The following GRIK3 variants were observed in gnomAD, a reference collection of about 807,000 sequenced individuals.
GRIK3 encodes the protein glutamate ionotropic receptor kainate type subunit 3.
GRIK3 carries 29 observed loss-of-function variants against 102.5 expected under a neutral mutation model. That is an observed-to-expected ratio of 0.28 (90% CI 0.21 to 0.39). The LOEUF (loss-of-function observed/expected upper bound fraction) is 0.39. GRIK3 is among the 10% of genes least tolerant of loss of function. GRIK3 has a pLI of 1.00. For synonymous variants in GRIK3, 511 were observed against 504.9 expected (o/e 1.01, Z -0.16); for missense variants, 908 against 1,252.4 (o/e 0.73, Z 4.15).
chr1:36,958,369 C>T (rs1418437380), intron 1 of GRIK3, among the ~76,000 whole-genome samples: 1 of 87,492 alleles, frequency 1.1e-5, no homozygotes, highest in Non-Finnish European at 2.1e-5. Flanking sequence ...CTCCATGAGC[C>T]TGTGTGCTCT....
At chr1:37,007,917 C>A (rs1642549584) in intron 1 of GRIK3, among the ~76,000 whole-genome samples, 1 of 152,166 alleles carries the variant, frequency 6.6e-6, no homozygotes, top group South Asian at 2.1e-4. Context: ...GCATCATGAG[C>A]CCAGAAGCCA....
chr1:36,863,224 T>A (rs1640746095), intron 5 of GRIK3, among the ~76,000 whole-genome samples: 1 of 152,036 alleles, frequency 6.6e-6, no homozygotes, highest in African/African-American at 2.4e-5. Context: ...GAGCCCTCCC[T>A]CTTCCCTATG....
At chr1:36,926,552 G>C (rs1641530202) in intron 1 of GRIK3, among the ~76,000 whole-genome samples, 1 of 152,012 alleles carries the variant, frequency 6.6e-6, no homozygotes, top group Non-Finnish European at 1.5e-5. Context: ...CACTATGCCT[G>C]GCTAATTTTT....
intron 1 of GRIK3, among the ~76,000 whole-genome samples, chr1:37,006,043 C>T (rs1462183698): frequency 1.3e-5 from 2 of 152,172 alleles, no homozygotes; most frequent in Non-Finnish European, 2.9e-5. Flanking sequence ...AAGGAGGATG[C>T]TGTAGCCACC....
At chr1:36,977,110 T>C (rs1041071718) in intron 1 of GRIK3, among the ~76,000 whole-genome samples, 21 of 152,142 alleles carry the variant, frequency 1.4e-4, no homozygotes, top group Non-Finnish European at 1.3e-4. Flanking sequence ...TGGAGTCAGG[T>C]AGATGTGGAT....
intron 2 of GRIK3, among the ~76,000 whole-genome samples, chr1:36,888,293 C>T (rs75221795): frequency 6.6e-6 from 1 of 152,284 alleles, no homozygotes; most frequent in East Asian, 1.9e-4. Flanking sequence ...AAAGAGTAGA[C>T]ACTGAATGAT....
rs1292752051 is a variant in GRIK3 at position 36,801,452 on chromosome 1, A to G, written c.*399T>C. The G allele has an allele frequency of 6.1e-6, 1 of 163,768 alleles. No homozygotes were observed. The allele number at this position is 163,768 out of a possible 1,614,324, so 10.1% of individuals were successfully genotyped here. On this transcript the variant is annotated 3_prime_UTR_variant, in exon 16 of 16. Coordinates refer to ENST00000373091, the MANE Select transcript of GRIK3 (RefSeq NM_000831.4). ...GCTTGTGTCTCTGGCCTCACGGTCAAGCTGTAGGAGGCCTGGGCTCTTGTG... is the reference window on the plus strand; with the variant it reads ...GCTTGTGTCTCTGGCCTCACGGTCAGGCTGTAGGAGGCCTGGGCTCTTGTG...
In GRIK3 at chr1:37,031,033, C is replaced by T. The variant is rs928729765; in HGVS notation, c.115+2961G>A. 2.6e-5 allele frequency among the ~76,000 whole-genome samples: 4 copies of T among 152,040 alleles called. No homozygotes were observed. In the East Asian group the frequency reaches 5.8e-4, roughly 22 times the overall value. On this transcript the variant is annotated intron_variant, in intron 1 of 15. Transcript: ENST00000373091. ...GGTAACCTGGAAATTCAGGTCCCCA[C>T]GGGAGGTCACTGAAGCCCGTTTGGC...
At chr1:36,999,004 GTGTA>G (rs936051972) in intron 1 of GRIK3, among the ~76,000 whole-genome samples, 9 of 61,188 alleles carry the variant, frequency 1.5e-4, no homozygotes, top group African/African-American at 7.1e-4. Context: ...GTGTGTGTGT[GTGTA>G]TGTGTGTGTG....
At chr1:36,835,290 T>C (rs1334084996) in intron 10 of GRIK3, among the ~76,000 whole-genome samples, 1 of 152,244 alleles carries the variant, frequency 6.6e-6, no homozygotes, top group Non-Finnish European at 1.5e-5. Context: ...CTGTGGTTTC[T>C]CATAGACGCT....
chr1:36,987,334 G>C (rs1259605328), intron 1 of GRIK3, among the ~76,000 whole-genome samples: 1 of 152,194 alleles, frequency 6.6e-6, no homozygotes, highest in Non-Finnish European at 1.5e-5. Flanking sequence ...AGCTCCCCAG[G>C]CAGCAGACCC....
At chr1:36,817,567 A>G (rs1642645353) in intron 12 of GRIK3, among the ~76,000 whole-genome samples, 1 of 152,228 alleles carries the variant, frequency 6.6e-6, no homozygotes, top group South Asian at 2.1e-4. Flanking sequence ...GACGCAGGCT[A>G]AAATTTAAGA....
intron 3 of GRIK3, among the ~76,000 whole-genome samples, chr1:36,879,022 C>T (rs987387402): frequency 6.6e-5 from 10 of 152,226 alleles, no homozygotes; most frequent in Admixed American, 6.5e-5. Flanking sequence ...GACCAGGCAG[C>T]GGTCAGTGCC....
At position 36,806,281 on chromosome 1, in the gene GRIK3, T is replaced by C; in HGVS notation, c.2137A>G (p.Ser713Gly). 1 of 1,614,194 alleles carries C rather than the reference T, an allele frequency of 6.2e-7. No individual in the cohort carries two copies. The highest frequency in any genetic ancestry group is 1.1e-5 in the South Asian group (1 of 91,084). ...TTCTTCACCAGCGCCGATGGCTTGC[T>C]GCTCATGAAGGCCCACATCTTCTCG... ...TFEKMWAFMS[S>G]KPSALVKNNE... The change falls in exon 14 of 16, where the codon AGC becomes GGC. Residue 713 changes from serine (S) to glycine (G), a missense_variant. Ser to Gly is a moderately conservative substitution (Grantham distance 56, BLOSUM62 0). Around this residue, in one of 3 missense-constraint regions of GRIK3, gnomAD observed 297 missense variants for 362.7 expected, o/e 0.82. Coordinates refer to ENST00000373091, the MANE Select transcript of GRIK3 (RefSeq NM_000831.4). This position sits in a 1 kb window ranked among gnomAD's most constrained non-coding sequence, Gnocchi z 4.0.
At chr1:36,891,717 C>T (rs557721408) in intron 1 of GRIK3, among the ~76,000 whole-genome samples, 18 of 152,198 alleles carry the variant, frequency 1.2e-4, no homozygotes, top group Middle Eastern at 3.4e-3. Context: ...ATTTGCATCA[C>T]GCCATTAACC....
At chr1:36,848,366 T>A (rs1199540314) in intron 9 of GRIK3, among the ~76,000 whole-genome samples, 1 of 152,216 alleles carries the variant, frequency 6.6e-6, no homozygotes, top group Non-Finnish European at 1.5e-5. Flanking sequence ...TACCTTTTTT[T>A]AATCTTGCCT....
At position 37,034,122 on chromosome 1, in the gene GRIK3, C is replaced by T. The variant is rs745693277; in HGVS notation, c.-14G>A. The T allele has an allele frequency of 2.1e-6, 3 of 1,437,468 alleles. No individual in the cohort carries two copies. In the South Asian group the frequency reaches 3.6e-5, roughly 17 times the overall value. The allele number at this position is 1,437,468 out of a possible 1,614,324, so 89.0% of individuals were successfully genotyped here. ...GGGAGCGGTCATCGTTGGGCGCCGCCGAGCGTGCCCGGGGCGCGGCCGTGG... is the reference window on the plus strand; with the variant it reads ...GGGAGCGGTCATCGTTGGGCGCCGCTGAGCGTGCCCGGGGCGCGGCCGTGG... On this transcript the variant is annotated 5_prime_UTR_variant, in exon 1 of 16. Coordinates refer to ENST00000373091, the MANE Select transcript of GRIK3 (RefSeq NM_000831.4).
chr1:36,816,604 G>T (rs1437747698), intron 13 of GRIK3, among the ~76,000 whole-genome samples: 1 of 152,208 alleles, frequency 6.6e-6, no homozygotes, highest in East Asian at 1.9e-4. Context: ...ACTTGTTCAA[G>T]TTCTAAGCCT....
intron 1 of GRIK3, among the ~76,000 whole-genome samples, chr1:36,892,700 T>A (rs1282958150): frequency 6.6e-6 from 1 of 152,156 alleles, no homozygotes; most frequent in Non-Finnish European, 1.5e-5. Flanking sequence ...CTAAAATGTA[T>A]CTGGAAGACT....
Sources: allele counts gnomAD v4.1 joint callset (sites outside exome capture counted in the v4.1 genomes callset), GRCh38; gene constraint gnomAD v4.1.1; regional missense constraint gnomAD v4.1.1; non-coding constraint Gnocchi (gnomAD v3.1); transcripts MANE v1.5; gene names NCBI Gene and HGNC (gene_info 2026-07-23, HGNC 2026-07-21).